FUT9: variants seen among roughly 807,000 people sequenced by gnomAD.
FUT9 encodes the protein fucosyltransferase 9.
FUT9 carries 15 observed loss-of-function variants against 29.7 expected under a neutral mutation model. The ratio of observed to expected loss-of-function variants is 0.51; its 90% CI spans 0.34 to 0.78. FUT9 has a LOEUF of 0.78. FUT9 is among the 30% of genes least tolerant of loss of function. The pLI, the probability that FUT9 is intolerant of heterozygous loss-of-function variation, is 0.01. For missense variants in FUT9, 319 were observed against 425.4 expected, an observed-to-expected ratio of 0.75 and a Z score of 2.20; for synonymous variants, 169 against 153.7, an observed-to-expected ratio of 1.10 and a Z score of -0.74.
intron 2 of FUT9, among the ~76,000 whole-genome samples, chr6:96,146,973 C>A (rs1772579218): frequency 6.6e-6 from 1 of 152,094 alleles, no homozygotes; most frequent in Admixed American, 6.6e-5. Context: ...ATATAAAATA[C>A]CTTACACACA....
intron 1 of FUT9, among the ~76,000 whole-genome samples, chr6:96,034,220 T>C (rs1476207562): frequency 2.0e-5 from 3 of 151,606 alleles, no homozygotes; most frequent in Non-Finnish European, 3.0e-5. Flanking sequence ...AGGCAACCTC[T>C]GTACCAACTT....
intron 1 of FUT9, among the ~76,000 whole-genome samples, chr6:96,039,829 G>C (rs953941110): frequency 2.0e-5 from 3 of 152,202 alleles, no homozygotes; most frequent in African/African-American, 7.2e-5. Context: ...TTGTGTAGAC[G>C]TAATGAAATG....
intron 2 of FUT9, among the ~76,000 whole-genome samples, chr6:96,202,647 G>A (rs980106770): frequency 2.0e-5 from 3 of 151,964 alleles, no homozygotes; most frequent in African/African-American, 4.8e-5. Context: ...AATTTATAAC[G>A]AGAAAAACAA....
intron 1 of FUT9, among the ~76,000 whole-genome samples, chr6:96,088,258 A>G (rs945327517): frequency 1.3e-4 from 20 of 152,116 alleles, no homozygotes; most frequent in African/African-American, 4.8e-4. Context: ...AAAAATATAA[A>G]TATAAAATAA....
At chr6:96,145,679 T>C (rs1772553681) in intron 2 of FUT9, among the ~76,000 whole-genome samples, 1 of 152,022 alleles carries the variant, frequency 6.6e-6, no homozygotes, top group Non-Finnish European at 1.5e-5. Flanking sequence ...CATGCTGATA[T>C]CTTAAGAAAG....
intron 1 of FUT9, among the ~76,000 whole-genome samples, chr6:96,079,972 G>C (rs1473055711): frequency 6.6e-6 from 1 of 151,914 alleles, no homozygotes; most frequent in African/African-American, 2.4e-5. Context: ...TATTGTCTTT[G>C]CCTTTACAAC....
chr6:96,028,211 A>G (rs898905807), intron 1 of FUT9, among the ~76,000 whole-genome samples: 1 of 151,404 alleles, frequency 6.6e-6, no homozygotes, highest in African/African-American at 2.4e-5. Flanking sequence ...AGAGACAAAT[A>G]TTTACCTATA....
intron 2 of FUT9, among the ~76,000 whole-genome samples, chr6:96,147,837 A>C (rs906973927): frequency 1.3e-5 from 2 of 150,730 alleles, no homozygotes; most frequent in African/African-American, 2.4e-5. Context: ...AGTTCTTTGA[A>C]TATATCACAG....
At chr6:96,126,073 G>A (rs940946199) in intron 2 of FUT9, among the ~76,000 whole-genome samples, 31 of 152,082 alleles carry the variant, frequency 2.0e-4, no homozygotes, top group Non-Finnish European at 7.4e-5. Context: ...CCCCAATAGT[G>A]CTTAAGCCTC....
intron 2 of FUT9, among the ~76,000 whole-genome samples, chr6:96,149,775 C>T (rs1772642804): frequency 1.3e-5 from 2 of 152,138 alleles, no homozygotes; most frequent in African/African-American, 4.8e-5. Context: ...ATACAGTATA[C>T]AGTGTGTAAT....
chr6:96,187,834 G>C (rs1427401351), intron 2 of FUT9, among the ~76,000 whole-genome samples: 2 of 152,020 alleles, frequency 1.3e-5, no homozygotes, highest in Non-Finnish European at 2.9e-5. Flanking sequence ...TAGGCAACTT[G>C]GTTTTTTGAG....
At position 96,148,215 on chromosome 6, in the gene FUT9, T is replaced by G. The variant is rs892189212; in HGVS notation, c.-9+34088T>G. On this transcript the variant is annotated intron_variant, in intron 2 of 2. Coordinates refer to ENST00000302103, the MANE Select transcript of FUT9 (RefSeq NM_006581.4). The stretch of plus-strand genomic sequence containing the variant: ...TAAGCTTGGAATGTAAAAATCTAAG[T>G]TCTAGCTGATTAAATGATCTTGAGT... 4.6e-5 allele frequency among the ~76,000 whole-genome samples: 7 copies of G among 152,138 alleles called. 1 individual carries two copies. The highest frequency in any genetic ancestry group is 1.7e-4 in the African/African-American group (7 of 41,420).
At chr6:96,149,081 G>A (rs932592132) in intron 2 of FUT9, among the ~76,000 whole-genome samples, 6 of 151,950 alleles carry the variant, frequency 3.9e-5, no homozygotes, top group Admixed American at 2.0e-4. Flanking sequence ...GCTTGAACTC[G>A]GGAAGTGGAG....
At chr6:96,158,707 A>G (rs1007458636) in intron 2 of FUT9, among the ~76,000 whole-genome samples, 3 of 152,164 alleles carry the variant, frequency 2.0e-5, no homozygotes, top group Admixed American at 1.3e-4. Context: ...CGCTTCCATA[A>G]TATTAGATTT....
At chr6:96,053,023 C>A in intron 1 of FUT9, among the ~76,000 whole-genome samples, 1 of 151,642 alleles carries the variant, frequency 6.6e-6, no homozygotes. Context: ...CCAATCATCA[C>A]TGAAAATATA....
At chr6:96,177,648 C>A (rs952716235) in intron 2 of FUT9, among the ~76,000 whole-genome samples, 113 of 152,258 alleles carry the variant, frequency 7.4e-4, no homozygotes, top group African/African-American at 2.6e-3. Flanking sequence ...TTCTCTCCAC[C>A]TTTGCATGGA....
In FUT9 at chr6:96,209,902, A is replaced by G. The variant is rs1773904072; in HGVS notation, c.*5667A>G. ...CCATGCCCCCCCGTCACCCAAAAAA[A>G]GAGCATGCTTTTAATACATTTCCAA... On this transcript the variant is annotated 3_prime_UTR_variant, in exon 3 of 3. Coordinates refer to ENST00000302103, the MANE Select transcript of FUT9 (RefSeq NM_006581.4). 1 of 166,762 alleles carries G rather than the reference A, an allele frequency of 6.0e-6. No individual in the cohort carries two copies. The highest frequency in any genetic ancestry group is 2.4e-5 in the African/African-American group (1 of 41,440). The allele number at this position is 166,762 out of a possible 1,614,324, so 10.3% of individuals were successfully genotyped here. A position where few individuals can be genotyped will look rare whatever the true frequency, so the allele number is the denominator to read the frequency against.
chr6:96,099,234 A>G (rs1040558932), intron 1 of FUT9, among the ~76,000 whole-genome samples: 1 of 151,954 alleles, frequency 6.6e-6, no homozygotes, highest in Non-Finnish European at 1.5e-5. Context: ...CAGAGGAGCC[A>G]TTTCATTTCT....
At chr6:96,139,732 C>A (rs764211198) in intron 2 of FUT9, among the ~76,000 whole-genome samples, 1 of 152,130 alleles carries the variant, frequency 6.6e-6, no homozygotes, top group Admixed American at 6.5e-5. Context: ...GGAGCTTGCA[C>A]CCTCTGAAGC....
Sources: gnomAD v4.1 joint callset for allele counts (sites outside exome capture counted in the v4.1 genomes callset) on GRCh38, gnomAD v4.1.1 for gene constraint, MANE v1.5 for transcripts, NCBI Gene and HGNC (gene_info 2026-07-23, HGNC 2026-07-21) for gene names.